ASB9: variants seen among roughly 807,000 people sequenced by gnomAD.
ASB9 encodes the protein ankyrin repeat and SOCS box containing 9.
In ASB9, 5 loss-of-function variants were observed where a neutral mutation model predicts 16.6. That is an observed-to-expected ratio of 0.30 (90% confidence interval 0.16 to 0.63). The LOEUF (loss-of-function observed/expected upper bound fraction) is 0.63, where lower values mean the gene tolerates loss of function less well. ASB9 is among the 30% of genes least tolerant of loss of function. The pLI is 0.82. For missense variants in ASB9, 216 were observed against 229.4 expected, an observed-to-expected ratio of 0.94 and a Z score of 0.38; for synonymous variants, 100 against 86.4, an observed-to-expected ratio of 1.16 and a Z score of -0.87.
Position 15,244,484 on chromosome X carries a change from T to C in ASB9, c.*22A>G, listed in dbSNP as rs964363990. The C allele has an allele frequency of 5.9e-6, 7 of 1,182,585 alleles. No homozygotes were observed. The highest frequency in any genetic ancestry group is 2.3e-4 in the Middle Eastern group (1 of 4,301). On this transcript the variant is annotated 3_prime_UTR_variant, in exon 7 of 7. Coordinates refer to ENST00000380488, the MANE Select transcript of ASB9 (RefSeq NM_001031739.3). ...CTCAATAATGTTTTCACATCGTTTG[T>C]GAATCCATTCCCTAGATGCATTTAA...
intron 2 of ASB9, among the ~76,000 whole-genome samples, chrX:15,255,508 G>A (rs1212645864): frequency 1.8e-5 from 2 of 111,704 alleles, no homozygotes; most frequent in Non-Finnish European, 3.8e-5. Flanking sequence ...ACAATAAGGG[G>A]AGGGATGGGT....
intron 1 of ASB9, among the ~76,000 whole-genome samples, chrX:15,260,748 C>T (rs1281477326): frequency 8.9e-6 from 1 of 112,160 alleles, no homozygotes. Flanking sequence ...GGATACTTAA[C>T]TATCTATACC....
At chrX:15,261,929 T>C (rs1925997340) in intron 1 of ASB9, among the ~76,000 whole-genome samples, 1 of 112,266 alleles carries the variant, frequency 8.9e-6, no homozygotes, top group East Asian at 2.8e-4. Context: ...TCTGTGCCCA[T>C]TAGCAGTCAC....
chrX:15,268,924 A>T (rs773755397), intron 1 of ASB9, among the ~76,000 whole-genome samples: 1 of 111,022 alleles, frequency 9.0e-6, no homozygotes, highest in Non-Finnish European at 1.9e-5. Context: ...CAAGCCCCCA[A>T]GGATCTCAAC....
At position 15,250,429 on chromosome X, in the gene ASB9, C is replaced by G; in HGVS notation, c.568+1G>C. The G allele has an allele frequency of 8.3e-7, 1 of 1,202,896 alleles. No homozygotes were observed. The highest frequency in any genetic ancestry group is 1.1e-6 in the Non-Finnish European group (1 of 892,648). On this transcript the variant is annotated splice_donor_variant, in intron 5 of 6. Transcript: ENST00000380488. LOFTEE classifies it high-confidence loss of function. ...TTGTTTTGGTTTGCTTTTTGCTTTACCTGACTCCAGAAGCTTCTTGACACA... is the reference window on the plus strand; with the variant it reads ...TTGTTTTGGTTTGCTTTTTGCTTTAGCTGACTCCAGAAGCTTCTTGACACA...
chrX:15,250,878 A>G lies in ASB9; in HGVS notation c.434-314T>C, dbSNP rs913764078. 2.7e-5 allele frequency among the ~76,000 whole-genome samples: 3 copies of G among 110,586 alleles called. No individual in the cohort carries two copies. In the Admixed American group the frequency reaches 2.9e-4, roughly 11 times the overall value. ...TGGTACTACAGGCGCCCGCCACCAC[A>G]CCCTGCTAACTTTTTTGTATTTTTA... On this transcript the variant is annotated intron_variant, in intron 4 of 6. Coordinates refer to ENST00000380488, the MANE Select transcript of ASB9 (RefSeq NM_001031739.3).
chrX:15,263,584 T>C (rs779431037), intron 1 of ASB9, among the ~76,000 whole-genome samples: 4 of 57,564 alleles, frequency 6.9e-5, no homozygotes, highest in South Asian at 2.6e-3. Context: ...TGTCTCCCTC[T>C]CTCTTCTCTC....
At position 15,252,257 on chromosome X, in the gene ASB9, T is replaced by C; in HGVS notation, c.430A>G (p.Arg144Gly). The C allele has an allele frequency of 3.3e-6, 4 of 1,203,671 alleles. No homozygotes were observed. The highest frequency in any genetic ancestry group is 1.7e-5 in the African/African-American group (1 of 57,587). The stretch of plus-strand genomic sequence containing the variant: ...AAAAAATTCTCAACAGATTTACCTC[T>C]CCTAGCAGCTTCATGGATGGGGGAT... ...LASPIHEAAR[R>G]GHVECVNSLI... Residue 144 changes from arginine to glycine, a missense_variant, in exon 4 of 7, where the codon AGA (arginine) becomes GGA (glycine). Arg to Gly is a moderately radical substitution (Grantham distance 125). Transcript: ENST00000380488.
chrX:15,247,047 GGA>G (rs1924728891), intron 6 of ASB9, among the ~76,000 whole-genome samples: 1 of 111,653 alleles, frequency 9.0e-6, no homozygotes, highest in South Asian at 3.8e-4. Flanking sequence ...CATTGAAAGA[GGA>G]CAGTAATTGA....
chrX:15,255,778 G>A (rs1016538291), intron 2 of ASB9, among the ~76,000 whole-genome samples: 1 of 111,941 alleles, frequency 8.9e-6, no homozygotes, highest in East Asian at 2.8e-4. Flanking sequence ...TTCAAACTGC[G>A]AGGGAAAAGA....
At chrX:15,267,483 G>A (rs79200791) in intron 1 of ASB9, among the ~76,000 whole-genome samples, 7,872 of 47,431 alleles carry the variant, frequency 0.17, no homozygotes, top group East Asian at 0.3. Flanking sequence ...GGTGGCTCAC[G>A]CCTGTAATCC....
chrX:15,252,119 A>T, intron 4 of ASB9, 135 bp downstream of exon 4: 2 of 684,664 alleles, frequency 2.9e-6, no homozygotes, highest in Non-Finnish European at 4.2e-6. Context: ...AGGCCAGGTC[A>T]TGCTGATGCT....
At chrX:15,269,497 T>C (rs368617262) in intron 1 of ASB9, among the ~76,000 whole-genome samples, 7 of 112,463 alleles carry the variant, frequency 6.2e-5, no homozygotes, top group African/African-American at 2.3e-4. Flanking sequence ...TCCAATTTAA[T>C]AAATAATGCA....
intron 2 of ASB9, among the ~76,000 whole-genome samples, chrX:15,256,633 C>T (rs1287558819): frequency 9.6e-6 from 1 of 104,213 alleles, no homozygotes; most frequent in Non-Finnish European, 1.9e-5. Flanking sequence ...AAAAATTAGC[C>T]GGGCGAGGTG....
intron 1 of ASB9, among the ~76,000 whole-genome samples, chrX:15,264,056 G>C (rs1602160178): frequency 8.9e-6 from 1 of 111,875 alleles, no homozygotes; most frequent in African/African-American, 3.2e-5. Context: ...CCGAGTCCTA[G>C]AGGCTAGCAG....
rs138522803 is a variant in ASB9, at chrX:15,261,687, C to A, written c.95-2742G>T. On this transcript the variant is annotated intron_variant, in intron 1 of 6. Transcript: ENST00000380488. ...GAATGTAGTGTTTACAGAGCAGAGA[C>A]AGCTTGTGTCTTTGAGAAGTACAGA... 7.5e-3 allele frequency among the ~76,000 whole-genome samples: 847 copies of A among 112,530 alleles called. 12 individuals are homozygous for A. Among genetic ancestry groups the A allele is most frequent in the African/African-American group, 0.026 (818 of 30,999 alleles).
chrX:15,258,578 G>C (rs935293244), intron 2 of ASB9, among the ~76,000 whole-genome samples: 5 of 111,905 alleles, frequency 4.5e-5, no homozygotes, highest in African/African-American at 1.6e-4. Flanking sequence ...CTGAAATTTA[G>C]CATTTCCTTC....
chrX:15,250,629 C>T (rs1925035059), intron 4 of ASB9, 65 bp from the exon 5 acceptor site: 1 of 1,074,266 alleles, frequency 9.3e-7, no homozygotes, highest in Non-Finnish European at 1.3e-6. Context: ...AAGACATTGC[C>T]ATCCCCATTT....
chrX:15,248,607 T>G (rs1173141585), intron 6 of ASB9, 137 bp downstream of exon 6: 1 of 1,026,394 alleles, frequency 9.7e-7, no homozygotes, highest in African/African-American at 1.9e-5. Context: ...TTGAATTATC[T>G]CAACTTCCCA....
Sources: allele counts gnomAD v4.1 joint callset (sites outside exome capture counted in the v4.1 genomes callset), GRCh38; gene constraint gnomAD v4.1.1; transcripts MANE v1.5; gene names NCBI Gene and HGNC (gene_info 2026-07-23, HGNC 2026-07-21).